Variants in PPWD1 observed in about 807,000 individuals in gnomAD.
PPWD1 encodes the protein peptidylprolyl isomerase domain and WD repeat containing 1.
A neutral mutation model predicts 68.8 loss-of-function variants in PPWD1; 43 were observed. The ratio of observed to expected loss-of-function variants is 0.62; its 90% CI spans 0.49 to 0.81. The LOEUF (loss-of-function observed/expected upper bound fraction) is 0.81. Among genes scored for constraint, PPWD1 ranks in the 30% least tolerant of loss-of-function variants. The pLI, the probability that PPWD1 is intolerant of heterozygous loss-of-function variation, is 0.00. For missense variants in PPWD1, 672 were observed against 804.8 expected, an observed-to-expected ratio of 0.83 and a Z score of 2.00; for synonymous variants, 232 against 258.7, an observed-to-expected ratio of 0.90 and a Z score of 0.99.
chr5:65,585,777 C>T (rs562454053), intron 9 of PPWD1, among the ~76,000 whole-genome samples: 1 of 152,204 alleles, frequency 6.6e-6, no homozygotes, highest in African/African-American at 2.4e-5. Flanking sequence ...CAGAACATGT[C>T]TATAAATGAG....
In PPWD1 at chr5:65,587,509, T is replaced by C. The variant is rs1753899879; in HGVS notation, c.*113T>C. The C allele has an allele frequency of 1.2e-6, 1 of 833,250 alleles. No individual in the cohort carries two copies. Among genetic ancestry groups the C allele is most frequent in the African/African-American group, 1.8e-5 (1 of 56,086 alleles). The allele number at this position is 833,250 out of a possible 1,614,324, so 51.6% of individuals were successfully genotyped here. A position where few individuals can be genotyped will look rare whatever the true frequency, so the allele number is the denominator to read the frequency against. On this transcript the variant is annotated 3_prime_UTR_variant, in exon 11 of 11. Coordinates refer to ENST00000261308, the MANE Select transcript of PPWD1 (RefSeq NM_015342.4). Reference sequence around the variant, plus strand: ...TACAGATCATGTTTCAAAGATACAGTATTTTTGTATTTTTTATTAAAGGCT... The same window carrying C: ...TACAGATCATGTTTCAAAGATACAGCATTTTTGTATTTTTTATTAAAGGCT...
intron 5 of PPWD1, among the ~76,000 whole-genome samples, chr5:65,573,379 G>T (rs1249886069): frequency 6.8e-6 from 1 of 147,126 alleles, no homozygotes; most frequent in African/African-American, 2.5e-5. Context: ...TGCAACCTCC[G>T]CCCCCTGGGT....
In PPWD1 at chr5:65,585,134, T is replaced by C. The variant is rs781372159; in HGVS notation, c.1614+39T>C. 3 of 1,534,128 alleles carry C rather than the reference T, an allele frequency of 2.0e-6. No individual in the cohort carries two copies. The East Asian group carries it at 6.8e-5, about 35-fold the overall frequency. ...ATTTCATGTCATATAAGAAATACTG[T>C]ATTATTACATAGCAAGAGATTTAAG... On this transcript the variant is annotated intron_variant, in intron 9 of 10. Transcript: ENST00000261308.
intron 7 of PPWD1, among the ~76,000 whole-genome samples, chr5:65,581,622 T>C (rs919223398): frequency 1.3e-5 from 2 of 152,318 alleles, no homozygotes; most frequent in South Asian, 2.1e-4. Context: ...TTTCTTGATA[T>C]ACACTCAAAA....
chr5:65,564,001 G>T, intron 1 of PPWD1: 1 of 678,760 alleles, frequency 1.5e-6, no homozygotes, highest in Non-Finnish European at 2.5e-6. Context: ...TCGCATCTAG[G>T]GAAAATGACG....
intron 4 of PPWD1, among the ~76,000 whole-genome samples, chr5:65,570,796 C>G (rs1169633357): frequency 6.6e-6 from 1 of 151,988 alleles, no homozygotes; most frequent in Non-Finnish European, 1.5e-5. Context: ...TATAAGGCTA[C>G]AAGCCCATCA....
chr5:65,568,292 C>G (rs778990334), intron 2 of PPWD1, among the ~76,000 whole-genome samples: 21 of 152,020 alleles, frequency 1.4e-4, no homozygotes, highest in Non-Finnish European at 3.1e-4. Flanking sequence ...TATGCTAAGG[C>G]TTTTTCTTTT....
At chr5:65,571,459 A>T (rs1390772383) in intron 4 of PPWD1, among the ~76,000 whole-genome samples, 1 of 152,214 alleles carries the variant, frequency 6.6e-6, no homozygotes, top group African/African-American at 2.4e-5. Flanking sequence ...ACACTATTAC[A>T]TGCTAATCTA....
chr5:65,586,896 A>C (rs1753874638), intron 10 of PPWD1, among the ~76,000 whole-genome samples: 1 of 152,138 alleles, frequency 6.6e-6, no homozygotes, highest in African/African-American at 2.4e-5. Flanking sequence ...AACTATTTCA[A>C]ACTGCCTCTG....
intron 6 of PPWD1, among the ~76,000 whole-genome samples, chr5:65,578,780 A>ATGTGTATATATATATACATATATATG (rs1753444606): frequency 1.7e-5 from 2 of 118,378 alleles, no homozygotes; most frequent in East Asian, 2.2e-4. Context: ...ATACATATAT[A>ATGTGTATATATATATACATATATATG]TGTGTATATA....
rs142815878 is a variant in PPWD1 at position 65,579,504 on chromosome 5, G to A, written c.1241G>A (p.Arg414His). 1.8e-5 allele frequency: 29 copies of A among 1,610,346 alleles called. No homozygotes were observed. Among genetic ancestry groups the A allele is most frequent in the East Asian group, 1.1e-4 (5 of 44,574 alleles). The change falls in exon 7 of 11, where the codon CGT (arginine) becomes CAT (histidine). Residue 414 changes from arginine (R) to histidine (H), a missense_variant. Transcript: ENST00000261308. ...ALFQGIAKKHRAATTIEMKAS... is the reference protein window; with the variant it reads ...ALFQGIAKKHHAATTIEMKAS... ...TTCCAGGGGATAGCCAAAAAGCATC[G>A]TGCTGCAACTACTATAGAAATGAAA...
intron 2 of PPWD1, chr5:65,568,198 C>G (rs999279888): frequency 6.6e-6 from 1 of 152,190 alleles, no homozygotes; most frequent in Non-Finnish European, 1.5e-5. Flanking sequence ...CAAAACACTT[C>G]TGGTCCGATA....
Position 65,569,981 on chromosome 5 carries a change from C to G in PPWD1, c.504C>G (p.Ile168Met). The change falls in exon 4 of 11, where the codon ATC becomes ATG. Residue 168 changes from isoleucine (I) to methionine (M), a missense_variant. This residue lies in a region of PPWD1 where 484 missense variants were observed against 646.2 expected (regional missense o/e 0.75). Transcript: ENST00000261308. ...KVFDVVNFDM[I>M]NMLKLGYFPG... is the part of the protein sequence containing the mutation. ...TTGATGTAGTGAACTTTGACATGAT[C>G]AACATGCTGAAACTTGGGTGAGTCT... 1 of 1,610,998 alleles carries G rather than the reference C, an allele frequency of 6.2e-7. No homozygotes were observed.
At chr5:65,567,846 G>T in intron 2 of PPWD1, 2 of 740,232 alleles carry the variant, frequency 2.7e-6, no homozygotes, top group Non-Finnish European at 3.6e-6. Flanking sequence ...GCCAAGAGGG[G>T]AGTGAACCAG....
intron 6 of PPWD1, chr5:65,579,178 A>C: frequency 2.6e-6 from 1 of 381,478 alleles, no homozygotes; most frequent in Non-Finnish European, 4.2e-6. Flanking sequence ...CGGCCTCCCA[A>C]AGTGCTGGGA....
chr5:65,567,843 G>T, intron 2 of PPWD1: 1 of 775,782 alleles, frequency 1.3e-6, no homozygotes, highest in Non-Finnish European at 1.7e-6. Flanking sequence ...AATGCCAAGA[G>T]GGGAGTGAAC....
intron 9 of PPWD1, 94 bp downstream of exon 9, chr5:65,585,189 T>C (rs1337860116): frequency 7.9e-7 from 1 of 1,261,508 alleles, no homozygotes; most frequent in Admixed American, 2.1e-5. Context: ...TCACACTTAA[T>C]CAGTTTAGTG....
At chr5:65,581,235 AAAATT>A (rs1417398978) in intron 7 of PPWD1, among the ~76,000 whole-genome samples, 2 of 152,188 alleles carry the variant, frequency 1.3e-5, no homozygotes, top group Non-Finnish European at 2.9e-5. Flanking sequence ...ATGAAGGAAA[AAAATT>A]AATCGTTTTA....
At chr5:65,568,379 C>G (rs182207445) in intron 2 of PPWD1, among the ~76,000 whole-genome samples, 40 of 152,174 alleles carry the variant, frequency 2.6e-4, no homozygotes, top group African/African-American at 9.4e-4. Flanking sequence ...AGTACATGCT[C>G]TTCATTTTAG....
Sources: allele counts gnomAD v4.1 joint callset (sites outside exome capture counted in the v4.1 genomes callset), GRCh38; gene constraint gnomAD v4.1.1; regional missense constraint gnomAD v4.1.1; transcripts MANE v1.5; gene names NCBI Gene and HGNC (gene_info 2026-07-23, HGNC 2026-07-21).